Variants in SEMA3E observed in about 807,000 individuals in gnomAD.
SEMA3E encodes semaphorin 3E.
SEMA3E carries 49 observed loss-of-function variants against 93.6 expected under a neutral mutation model. The ratio of observed to expected loss-of-function variants is 0.52; its 90% CI spans 0.42 to 0.66. The LOEUF (loss-of-function observed/expected upper bound fraction) is 0.66. Among genes scored for constraint, SEMA3E ranks in the 30% least tolerant of loss-of-function variants. The pLI is 0.00. For synonymous variants in SEMA3E, 363 were observed against 330.7 expected, an observed-to-expected ratio of 1.10 and a Z score of -1.06; for missense variants, 906 against 964.8, an observed-to-expected ratio of 0.94 and a Z score of 0.81.
chr7:83,573,390 T>G (rs1172499017), intron 1 of SEMA3E, among the ~76,000 whole-genome samples: 1 of 152,134 alleles, frequency 6.6e-6, no homozygotes, highest in Non-Finnish European at 1.5e-5. Context: ...AAATTGAAAT[T>G]TATACCCTAT....
At chr7:83,588,554 T>C (rs925356413) in intron 1 of SEMA3E, among the ~76,000 whole-genome samples, 3 of 152,140 alleles carry the variant, frequency 2.0e-5, no homozygotes, top group African/African-American at 7.2e-5. Flanking sequence ...AATTAGAATA[T>C]TAAAGCAATG....
intron 1 of SEMA3E, among the ~76,000 whole-genome samples, chr7:83,590,660 G>A (rs1399054707): frequency 7.2e-5 from 11 of 152,120 alleles, no homozygotes; most frequent in Non-Finnish European, 1.5e-5. Flanking sequence ...AAACTTAGCT[G>A]CATGGAAAGA....
chr7:83,490,305 A>G, intron 1 of SEMA3E, 31 bp from the exon 2 acceptor site: 2 of 1,605,478 alleles, frequency 1.2e-6, no homozygotes, highest in Non-Finnish European at 1.7e-6. Flanking sequence ...TACACTAAGC[A>G]CACGAGAAAA....
chr7:83,489,567 A>G (rs766054113), intron 2 of SEMA3E, among the ~76,000 whole-genome samples: 5 of 152,106 alleles, frequency 3.3e-5, no homozygotes, highest in Non-Finnish European at 5.9e-5. Flanking sequence ...ATTTGGCTCA[A>G]TTATTTGTAT....
intron 1 of SEMA3E, among the ~76,000 whole-genome samples, chr7:83,561,722 C>G (rs1264409390): frequency 6.6e-6 from 1 of 152,074 alleles, no homozygotes; most frequent in Admixed American, 6.6e-5. Flanking sequence ...AAAAGTTAGT[C>G]TATTCATTTG....
intron 1 of SEMA3E, among the ~76,000 whole-genome samples, chr7:83,596,916 C>A (rs768211604): frequency 6.6e-6 from 1 of 152,140 alleles, no homozygotes; most frequent in Non-Finnish European, 1.5e-5. Context: ...TTTTAGGAAA[C>A]TCTTCATCCT....
At chr7:83,618,614 T>G (rs988026504) in intron 1 of SEMA3E, among the ~76,000 whole-genome samples, 3 of 150,538 alleles carry the variant, frequency 2.0e-5, no homozygotes, top group Non-Finnish European at 4.4e-5. Flanking sequence ...CTCAATGACT[T>G]TATTTTTTCT....
At position 83,454,115 on chromosome 7, in the gene SEMA3E, T is replaced by G. The variant is rs532509873; in HGVS notation, c.456+12367A>C. Among the ~76,000 whole-genome samples the G allele has an allele frequency of 1.0e-2, 1,506 of 150,810 alleles. 21 individuals carry two copies. The highest frequency in any genetic ancestry group is 0.029 in the African/African-American group (1,214 of 41,168). On this transcript the variant is annotated intron_variant, in intron 4 of 16. Coordinates refer to ENST00000643230, the MANE Select transcript of SEMA3E (RefSeq NM_012431.3). ...CTACTAAAAATACAAAAAATTAGCC[T>G]GGCGTGGTGGCGGGCTCTTGTAGTC...
At chr7:83,580,141 C>A (rs563724986) in intron 1 of SEMA3E, among the ~76,000 whole-genome samples, 9 of 152,164 alleles carry the variant, frequency 5.9e-5, no homozygotes, top group Non-Finnish European at 8.8e-5. Flanking sequence ...TCGATGACAT[C>A]TTAAATCTCT....
chr7:83,638,941 C>A (rs1259747635), intron 1 of SEMA3E, among the ~76,000 whole-genome samples: 1 of 150,820 alleles, frequency 6.6e-6, no homozygotes, highest in Non-Finnish European at 1.5e-5. Context: ...GAAACCCTGT[C>A]TCTACTAAAA....
intron 4 of SEMA3E, among the ~76,000 whole-genome samples, chr7:83,463,436 T>C (rs1242030366): frequency 1.3e-5 from 2 of 152,226 alleles, no homozygotes; most frequent in African/African-American, 2.4e-5. Flanking sequence ...ATATACTTTC[T>C]GCTCCCCGGC....
intron 5 of SEMA3E, among the ~76,000 whole-genome samples, chr7:83,414,822 T>C (rs1361579716): frequency 6.6e-6 from 1 of 152,048 alleles, no homozygotes. Flanking sequence ...TGTCTTATCA[T>C]ACCTTAGGCA....
At chr7:83,463,489 C>T (rs1320773384) in intron 4 of SEMA3E, among the ~76,000 whole-genome samples, 1 of 152,154 alleles carries the variant, frequency 6.6e-6, no homozygotes, top group African/African-American at 2.4e-5. Context: ...CCCACAATTA[C>T]CGTTGTTGCT....
rs373914726 is a variant in SEMA3E, at chr7:83,505,478, A to G, written c.116-15204T>C. Among the ~76,000 whole-genome samples, 50 of 152,330 alleles carry G rather than the reference A, an allele frequency of 3.3e-4. 1 individual carries two copies. The highest frequency in any genetic ancestry group is 1.1e-3 in the African/African-American group (46 of 41,590). On this transcript the variant is annotated intron_variant, in intron 1 of 16. Coordinates refer to ENST00000643230, the MANE Select transcript of SEMA3E (RefSeq NM_012431.3). ...AATTACCACTGAATATACCATTTAT[A>G]GGAAAACTATTTTTTAAATTTAAAC... is the stretch of plus-strand genomic sequence containing the variant.
intron 1 of SEMA3E, among the ~76,000 whole-genome samples, chr7:83,619,719 A>G (rs917607372): frequency 6.6e-6 from 1 of 151,888 alleles, no homozygotes; most frequent in Non-Finnish European, 1.5e-5. Flanking sequence ...TTGAGATAAT[A>G]CTATGTCCTT....
intron 15 of SEMA3E, among the ~76,000 whole-genome samples, chr7:83,386,610 G>A (rs1434390154): frequency 6.6e-6 from 1 of 152,054 alleles, no homozygotes; most frequent in African/African-American, 2.4e-5. Flanking sequence ...AGTAATACCA[G>A]TTGATAAAAT....
chr7:83,392,794 C>T, intron 13 of SEMA3E, 73 bp from the exon 14 acceptor site: 4 of 1,341,208 alleles, frequency 3.0e-6, no homozygotes, highest in Non-Finnish European at 4.3e-6. Flanking sequence ...CTAGTTTTCA[C>T]ATTTATACAC....
intron 1 of SEMA3E, among the ~76,000 whole-genome samples, chr7:83,507,586 C>T (rs890021079): frequency 6.6e-6 from 1 of 151,748 alleles, no homozygotes; most frequent in Non-Finnish European, 1.5e-5. Flanking sequence ...GGTGGAAAAA[C>T]TTTTACTTCA....
chr7:83,552,802 T>C (rs2115806973), intron 1 of SEMA3E, among the ~76,000 whole-genome samples: 1 of 152,226 alleles, frequency 6.6e-6, no homozygotes, highest in Admixed American at 6.5e-5. Flanking sequence ...GGTTCTCTGC[T>C]CTTGAACCCT....
Sources: allele counts gnomAD v4.1 joint callset (sites outside exome capture counted in the v4.1 genomes callset), GRCh38; gene constraint gnomAD v4.1.1; transcripts MANE v1.5; gene names NCBI Gene and HGNC (gene_info 2026-07-23, HGNC 2026-07-21).